Variants in RIMBP2 observed in about 807,000 individuals in gnomAD.
RIMBP2 encodes RIMS binding protein 2.
RIMBP2 carries 48 observed loss-of-function variants against 118.6 expected under a neutral mutation model. The observed-to-expected ratio is 0.40, with a 90% CI of 0.32 to 0.51. RIMBP2 has a LOEUF of 0.51. Among genes scored for constraint, RIMBP2 ranks in the 20% least tolerant of loss-of-function variants. The probability of loss-of-function intolerance (pLI) is 0.41; values close to 1 mark genes in which losing one functional copy is unlikely to be tolerated. For missense variants in RIMBP2, 1,551 were observed against 1,768.3 expected, an observed-to-expected ratio of 0.88 and a Z score of 2.20; for synonymous variants, 762 against 742.9, an observed-to-expected ratio of 1.03 and a Z score of -0.42.
In RIMBP2 at chr12:130,672,219, A is replaced by C. The variant is rs544312846; in HGVS notation, c.-351-43763T>G. On this transcript the variant is annotated intron_variant, in intron 1 of 22. Coordinates refer to ENST00000690449, the MANE Select transcript of RIMBP2 (RefSeq NM_001393629.1). ...ACTCAAAATGCTCTGCTCTAATTCT[A>C]AGGAAATTTCCACAGATGGAGACAA... Among the ~76,000 whole-genome samples the C allele has an allele frequency of 5.9e-5, 9 of 152,300 alleles. No individual in the cohort carries two copies. The South Asian group carries it at 1.9e-3, about 32-fold the overall frequency.
At chr12:130,704,719 C>T (rs1003518802) in intron 1 of RIMBP2, among the ~76,000 whole-genome samples, 1 of 152,206 alleles carries the variant, frequency 6.6e-6, no homozygotes, top group Non-Finnish European at 1.5e-5. Flanking sequence ...CGCCCTGCCA[C>T]CACCGCCTCC....
At chr12:130,564,809 C>G (rs2057097708) in intron 2 of RIMBP2, among the ~76,000 whole-genome samples, 1 of 152,154 alleles carries the variant, frequency 6.6e-6, no homozygotes, top group African/African-American at 2.4e-5. Flanking sequence ...TGCTTTGCAA[C>G]CCTGAGCCTA....
intron 2 of RIMBP2, among the ~76,000 whole-genome samples, chr12:130,607,264 C>G (rs1257133338): frequency 6.6e-6 from 1 of 152,170 alleles, no homozygotes; most frequent in African/African-American, 2.4e-5. Flanking sequence ...CACTCACTCT[C>G]CCACAGACCC....
chr12:130,426,032 A>G (rs1324148783), intron 15 of RIMBP2: 1 of 152,358 alleles, frequency 6.6e-6, no homozygotes, highest in African/African-American at 2.4e-5. Flanking sequence ...ATTGGAGCGA[A>G]TAAGGACATC....
chr12:130,443,117 A>G (rs2078266620), intron 10 of RIMBP2, among the ~76,000 whole-genome samples: 1 of 151,898 alleles, frequency 6.6e-6, no homozygotes, highest in South Asian at 2.1e-4. Flanking sequence ...ATGATTTTTG[A>G]TTAAGAATTA....
intron 19 of RIMBP2, 31 bp from the exon 20 acceptor site, chr12:130,407,860 A>C (rs755352145): frequency 6.3e-7 from 1 of 1,584,102 alleles, no homozygotes; most frequent in Non-Finnish European, 8.7e-7. Flanking sequence ...AAAGAAATCC[A>C]TCATGAGGTT....
At chr12:130,528,652 T>C (rs575115759) in intron 2 of RIMBP2, among the ~76,000 whole-genome samples, 1 of 152,344 alleles carries the variant, frequency 6.6e-6, no homozygotes, top group African/African-American at 2.4e-5. Context: ...AACTTACATG[T>C]ATCTGCAATG....
At chr12:130,448,110 G>C (rs1314912888) in intron 9 of RIMBP2, among the ~76,000 whole-genome samples, 1 of 148,338 alleles carries the variant, frequency 6.7e-6, no homozygotes, top group Admixed American at 6.8e-5. Context: ...TTTGAGAGAG[G>C]GTGGGTGGTT....
chr12:130,617,824 A>G lies in RIMBP2; in HGVS notation c.-217+10498T>C, dbSNP rs1418206123. 6.6e-6 allele frequency among the ~76,000 whole-genome samples: 1 copy of G among 152,168 alleles called. No homozygotes were observed. The highest frequency in any genetic ancestry group is 2.4e-5 in the African/African-American group (1 of 41,434). ...CTGGGCTACTTAGAGATGTTGTCCA[A>G]TCATTGGAAAACTTTGATTGCATCA... On this transcript the variant is annotated intron_variant, in intron 2 of 22. Coordinates refer to ENST00000690449, the MANE Select transcript of RIMBP2 (RefSeq NM_001393629.1). This position sits in a 1 kb window ranked among gnomAD's most constrained non-coding sequence, Gnocchi z 4.6.
At chr12:130,599,668 A>C (rs780356655) in intron 2 of RIMBP2, among the ~76,000 whole-genome samples, 1 of 152,264 alleles carries the variant, frequency 6.6e-6, no homozygotes, top group African/African-American at 2.4e-5. Flanking sequence ...ATCGGAGTAT[A>C]TAATGGCCCT....
intron 4 of RIMBP2, among the ~76,000 whole-genome samples, chr12:130,500,055 G>A (rs2049592360): frequency 6.6e-6 from 1 of 152,158 alleles, no homozygotes; most frequent in African/African-American, 2.4e-5. Flanking sequence ...CAGTGCCTGA[G>A]GTAAACAAAT....
chr12:130,686,765 G>T (rs550332467), intron 1 of RIMBP2, among the ~76,000 whole-genome samples: 1 of 152,340 alleles, frequency 6.6e-6, no homozygotes, highest in East Asian at 1.9e-4. Context: ...GCCGTCGGGG[G>T]CCTGGGGCAC....
chr12:130,502,525 G>C (rs920741880), intron 4 of RIMBP2, among the ~76,000 whole-genome samples: 5 of 151,978 alleles, frequency 3.3e-5, no homozygotes, highest in Admixed American at 3.3e-4. Flanking sequence ...TGCCTGGAAT[G>C]CTCCTCCCTG....
At chr12:130,404,108 AGAG>A (rs1297900917) in intron 21 of RIMBP2, among the ~76,000 whole-genome samples, 3 of 152,186 alleles carry the variant, frequency 2.0e-5, no homozygotes, top group Admixed American at 1.3e-4. Flanking sequence ...ATATTGGTGA[AGAG>A]GAGGCAAAAT....
At chr12:130,570,357 C>T (rs535911396) in intron 2 of RIMBP2, among the ~76,000 whole-genome samples, 1 of 151,088 alleles carries the variant, frequency 6.6e-6, no homozygotes, top group African/African-American at 2.4e-5. Flanking sequence ...GCCCAGGAGG[C>T]GGAGGTTGCA....
chr12:130,611,346 G>A (rs1006792473), intron 2 of RIMBP2, among the ~76,000 whole-genome samples: 15 of 152,218 alleles, frequency 9.9e-5, no homozygotes, highest in African/African-American at 2.7e-4. Context: ...CGTCCCTCCC[G>A]TAAAGGATCT....
At chr12:130,476,900 C>T (rs905863055) in intron 5 of RIMBP2, among the ~76,000 whole-genome samples, 6 of 152,178 alleles carry the variant, frequency 3.9e-5, no homozygotes, top group Non-Finnish European at 7.3e-5. Context: ...TGCTGAATGA[C>T]GGTACGACGG....
chr12:130,530,758 A>G (rs1250147883), intron 2 of RIMBP2, among the ~76,000 whole-genome samples: 1 of 152,200 alleles, frequency 6.6e-6, no homozygotes, highest in East Asian at 1.9e-4. Flanking sequence ...CTGCTGCAAT[A>G]TGGTACTGCT....
chr12:130,476,722 T>C (rs2081461577), intron 5 of RIMBP2, among the ~76,000 whole-genome samples: 3 of 152,202 alleles, frequency 2.0e-5, no homozygotes, highest in Admixed American at 2.0e-4. Context: ...CTCAAGCCTC[T>C]CAACTCCCTT....
Sources: allele counts gnomAD v4.1 joint callset (sites outside exome capture counted in the v4.1 genomes callset), GRCh38; gene constraint gnomAD v4.1.1; non-coding constraint Gnocchi (gnomAD v3.1); transcripts MANE v1.5; gene names NCBI Gene and HGNC (gene_info 2026-07-23, HGNC 2026-07-21).